ERC2: variants seen among roughly 807,000 people sequenced by gnomAD.
ERC2 encodes the protein ERC protein 2.
In ERC2, 42 loss-of-function variants were observed where a neutral mutation model predicts 114.8. That is an observed-to-expected ratio of 0.37 (90% CI 0.29 to 0.47). The LOEUF is 0.47. Ranked by LOEUF, ERC2 falls within the 20% of genes least tolerant of loss-of-function variation. The pLI is 0.99. For synonymous variants in ERC2, 454 were observed against 425.5 expected (o/e 1.07, Z -0.82); for missense variants, 939 against 1,150.7 (o/e 0.82, Z 2.66).
At chr3:56,312,460 T>C (rs2056636884) in intron 2 of ERC2, among the ~76,000 whole-genome samples, 1 of 152,108 alleles carries the variant, frequency 6.6e-6, no homozygotes, top group Non-Finnish European at 1.5e-5. Context: ...TATTTCAAAG[T>C]AGCTAGAAAA....
At chr3:56,239,344 C>T (rs553866367) in intron 3 of ERC2, among the ~76,000 whole-genome samples, 24 of 151,500 alleles carry the variant, frequency 1.6e-4, no homozygotes, top group African/African-American at 5.8e-4. Flanking sequence ...TGGTGAAACC[C>T]TGTCACAAAA....
intron 14 of ERC2, among the ~76,000 whole-genome samples, chr3:55,795,362 G>GC (rs1344057476): frequency 6.6e-6 from 1 of 152,054 alleles, no homozygotes; most frequent in Non-Finnish European, 1.5e-5. Context: ...ACCTTGCTTT[G>GC]CCCCAGATCT....
chr3:56,329,157 C>T (rs2057495627), intron 2 of ERC2, among the ~76,000 whole-genome samples: 2 of 152,164 alleles, frequency 1.3e-5, no homozygotes, highest in East Asian at 3.8e-4. Context: ...CAAATTACAA[C>T]ATGGGATGTA....
chr3:55,587,343 C>A (rs1299574990), intron 17 of ERC2, among the ~76,000 whole-genome samples: 1 of 152,174 alleles, frequency 6.6e-6, no homozygotes, highest in African/African-American at 2.4e-5. Flanking sequence ...AGTGTCACTG[C>A]ACCCAGCCTG....
chr3:56,446,404 C>T (rs146918609), intron 1 of ERC2, among the ~76,000 whole-genome samples: 125 of 152,138 alleles, frequency 8.2e-4, no homozygotes, highest in African/African-American at 2.8e-3. Flanking sequence ...CTGTATGGAG[C>T]CTGTACAGTG....
At chr3:56,428,711 C>G (rs2061673880) in intron 2 of ERC2, among the ~76,000 whole-genome samples, 1 of 152,196 alleles carries the variant, frequency 6.6e-6, no homozygotes, top group South Asian at 2.1e-4. Context: ...GAAACTGGAT[C>G]AAAAACTCAT....
At chr3:55,612,235 C>A (rs1248076191) in intron 17 of ERC2, among the ~76,000 whole-genome samples, 1 of 152,214 alleles carries the variant, frequency 6.6e-6, no homozygotes, top group African/African-American at 2.4e-5. Context: ...AACATGTTGT[C>A]TGTACTGAAG....
chr3:55,677,806 G>C (rs899884708), intron 17 of ERC2, among the ~76,000 whole-genome samples: 3 of 152,116 alleles, frequency 2.0e-5, no homozygotes, highest in Non-Finnish European at 4.4e-5. Flanking sequence ...CCACATTGAA[G>C]CCTATTAACC....
chr3:56,319,910 G>A (rs985022043), intron 2 of ERC2, among the ~76,000 whole-genome samples: 1 of 152,210 alleles, frequency 6.6e-6, no homozygotes, highest in Admixed American at 6.5e-5. Context: ...AAGAGATCAT[G>A]ACTAAAAAAT....
At chr3:55,799,450 C>CAT (rs59209006) in intron 14 of ERC2, among the ~76,000 whole-genome samples, 12,410 of 106,016 alleles carry the variant, frequency 0.12, 841 homozygotes, top group Non-Finnish European at 0.15. Flanking sequence ...TATATATATG[C>CAT]ATATATATAT....
chr3:55,800,784 C>A (rs2070986879), intron 14 of ERC2, among the ~76,000 whole-genome samples: 1 of 152,138 alleles, frequency 6.6e-6, no homozygotes, highest in African/African-American at 2.4e-5. Flanking sequence ...GAGCTCTGCA[C>A]CCTCAGGCTT....
chr3:55,767,339 A>G (rs535297643), intron 14 of ERC2, among the ~76,000 whole-genome samples: 103 of 152,294 alleles, frequency 6.8e-4, no homozygotes, highest in Non-Finnish European at 1.2e-3. Flanking sequence ...CCAGCTCCAA[A>G]GTGGCATGTT....
At chr3:55,550,896 G>A (rs1161721814) in intron 17 of ERC2, among the ~76,000 whole-genome samples, 1 of 151,312 alleles carries the variant, frequency 6.6e-6, no homozygotes, top group East Asian at 2.0e-4. Flanking sequence ...GGTGCCTGTA[G>A]TCCCAGCTAC....
chr3:56,431,706 TA>T lies in ERC2; in HGVS notation c.657+2644del, dbSNP rs543504222. On this transcript the variant is annotated intron_variant, in intron 2 of 17. Transcript: ENST00000288221. ...TAATAGCTTGTTTTTTGTCAATCTT[TA>T]TATTTTTTACTTTGTAAGACATCAT... is the stretch of plus-strand genomic sequence containing the variant. Among the ~76,000 whole-genome samples, 19 of 152,352 alleles carry T rather than the reference TA, an allele frequency of 1.2e-4. No homozygotes were observed. The South Asian group carries it at 2.1e-3, about 17-fold the overall frequency.
chr3:56,348,856 C>A (rs552561799), intron 2 of ERC2, among the ~76,000 whole-genome samples: 1 of 125,332 alleles, frequency 8.0e-6, no homozygotes, highest in African/African-American at 3.2e-5. Context: ...TAAGATACCA[C>A]CAAAATGAAA....
chr3:55,802,524 T>G (rs764046672), intron 14 of ERC2, among the ~76,000 whole-genome samples: 1 of 152,182 alleles, frequency 6.6e-6, no homozygotes, highest in African/African-American at 2.4e-5. Context: ...AATTGATACA[T>G]AAAATAGAAC....
chr3:55,630,465 G>A (rs750306505), intron 17 of ERC2, among the ~76,000 whole-genome samples: 5 of 152,140 alleles, frequency 3.3e-5, no homozygotes, highest in Admixed American at 6.6e-5. Context: ...CACCACGCCC[G>A]GCCAATAAGA....
At chr3:56,111,684 G>T (rs2078972954) in intron 6 of ERC2, among the ~76,000 whole-genome samples, 1 of 152,138 alleles carries the variant, frequency 6.6e-6, no homozygotes, top group South Asian at 2.1e-4. Context: ...TCATTCATAG[G>T]ATTTCAATAC....
intron 13 of ERC2, among the ~76,000 whole-genome samples, chr3:55,895,443 G>A (rs957433453): frequency 2.6e-5 from 4 of 152,138 alleles, no homozygotes; most frequent in East Asian, 1.9e-4. Flanking sequence ...TGACATAAGC[G>A]TAAAGTGAAA....
Sources: allele counts gnomAD v4.1 joint callset (sites outside exome capture counted in the v4.1 genomes callset), GRCh38; gene constraint gnomAD v4.1.1; transcripts MANE v1.5; gene names NCBI Gene and HGNC (gene_info 2026-07-23, HGNC 2026-07-21).